Variants in LPIN1 observed in about 807,000 individuals in gnomAD.
The protein encoded by LPIN1 is lipin 1.
LPIN1 carries 71 observed loss-of-function variants against 107.5 expected under a neutral mutation model. The ratio of observed to expected loss-of-function variants is 0.66; its 90% CI spans 0.55 to 0.80. LPIN1 has a LOEUF of 0.80. Ranked by LOEUF, LPIN1 falls within the 30% of genes least tolerant of loss-of-function variation. The probability of loss-of-function intolerance (pLI) is 0.00; values close to 1 mark genes in which losing one functional copy is unlikely to be tolerated. For missense variants in LPIN1, 1,043 were observed against 1,160.6 expected (o/e 0.90, Z 1.47); for synonymous variants, 445 against 452.6 (o/e 0.98, Z 0.21).
At chr2:11,773,812 A>G (rs1341875567) in intron 5 of LPIN1, 67 bp downstream of exon 5, 1 of 1,552,478 alleles carries the variant, frequency 6.4e-7, no homozygotes, top group East Asian at 2.2e-5. Context: ...AAGCAATTCT[A>G]AGAAAAGAAT....
At chr2:11,728,331 T>C (rs1016866844) in intron 1 of LPIN1, among the ~76,000 whole-genome samples, 5 of 152,310 alleles carry the variant, frequency 3.3e-5, no homozygotes, top group Admixed American at 1.3e-4. Flanking sequence ...AACTGGTATA[T>C]TCATTGTGAT....
Position 11,779,525 on chromosome 2 carries a change from C to CACCTAAAAGTTGAA in LPIN1, c.837_838insACCTAAAAGTTGAA (p.Gly280ThrfsTer2). 6.2e-7 allele frequency: 1 copy of CACCTAAAAGTTGAA among 1,613,530 alleles called. No individual in the cohort carries two copies. The highest frequency in any genetic ancestry group is 8.5e-7 in the Non-Finnish European group (1 of 1,179,936). The stretch of plus-strand genomic sequence containing the variant: ...GCTTTGTGTTTTCCTTAAGTCCTTC[C>CACCTAAAAGTTGAA]GGTTCCCGACCTTCAACACCTAAAA... On this transcript the variant is annotated stop_gained and frameshift_variant, in exon 7 of 21. Transcript: ENST00000674199. LOFTEE classifies it high-confidence loss of function.
chr2:11,680,977 T>A (rs189110253), intron 1 of LPIN1, among the ~76,000 whole-genome samples: 207 of 152,300 alleles, frequency 1.4e-3, no homozygotes, highest in Non-Finnish European at 2.7e-3. Flanking sequence ...CCTAACTATA[T>A]ACTACTCACA....
At chr2:11,709,217 CT>C (rs1326476095) in intron 1 of LPIN1, among the ~76,000 whole-genome samples, 1 of 152,210 alleles carries the variant, frequency 6.6e-6, no homozygotes, top group Non-Finnish European at 1.5e-5. Context: ...CTTCCTTTAT[CT>C]CAACAGAGGG....
chr2:11,678,545 A>G (rs1274457854), intron 1 of LPIN1, among the ~76,000 whole-genome samples: 1 of 152,194 alleles, frequency 6.6e-6, no homozygotes, highest in Non-Finnish European at 1.5e-5. Context: ...CTTAGGGGGC[A>G]GGGAGACCCG....
chr2:11,715,196 G>A (rs1315775293), intron 2 of LPIN1, among the ~76,000 whole-genome samples: 1 of 152,222 alleles, frequency 6.6e-6, no homozygotes, highest in Non-Finnish European at 1.5e-5. Flanking sequence ...GCCTCGGGCA[G>A]CTTCCCGTGG....
chr2:11,724,301 C>G, upstream of LPIN1: 1 of 974,320 alleles, frequency 1.0e-6, no homozygotes, highest in Non-Finnish European at 1.2e-6. Context: ...AGAATCCTGC[C>G]GCCCAACAAT....
intron 1 of LPIN1, among the ~76,000 whole-genome samples, chr2:11,693,748 T>C (rs1662385778): frequency 1.4e-5 from 2 of 143,720 alleles, no homozygotes; most frequent in South Asian, 4.5e-4. Context: ...AGATTGTGAA[T>C]TCTTGGGGGC....
At chr2:11,805,370 G>C (rs933324244) in intron 17 of LPIN1, 2 of 636,196 alleles carry the variant, frequency 3.1e-6, no homozygotes, top group Non-Finnish European at 5.7e-6. Context: ...CAAGAAACAA[G>C]GGGCGAAGTA....
At chr2:11,796,868 G>A (rs573152537) in intron 14 of LPIN1, among the ~76,000 whole-genome samples, 8 of 152,276 alleles carry the variant, frequency 5.3e-5, no homozygotes, top group African/African-American at 1.9e-4. Context: ...GGAAGCAGTC[G>A]ACATTGGAGT....
intron 1 of LPIN1, among the ~76,000 whole-genome samples, chr2:11,694,088 C>T (rs1662450082): frequency 6.6e-6 from 1 of 151,742 alleles, no homozygotes; most frequent in African/African-American, 2.4e-5. Context: ...CCTGCCTTGG[C>T]CTCCCAAAGT....
At chr2:11,756,677 G>GT (rs1425005283) in intron 1 of LPIN1, among the ~76,000 whole-genome samples, 2 of 152,196 alleles carry the variant, frequency 1.3e-5, no homozygotes, top group Admixed American at 6.5e-5. Flanking sequence ...CATTATAGGC[G>GT]TGAGTGCCCG....
At chr2:11,683,688 G>C (rs372817265) in intron 1 of LPIN1, among the ~76,000 whole-genome samples, 2 of 152,186 alleles carry the variant, frequency 1.3e-5, no homozygotes, top group Non-Finnish European at 2.9e-5. Context: ...TGCTGTGGTC[G>C]TCGAGGTAAG....
chr2:11,773,332 G>A (rs973675505), intron 4 of LPIN1, among the ~76,000 whole-genome samples: 18 of 152,170 alleles, frequency 1.2e-4, no homozygotes, highest in African/African-American at 4.3e-4. Flanking sequence ...AGCAGGAGGT[G>A]GCACGATGGG....
chr2:11,733,887 G>T (rs1665525516), intron 1 of LPIN1, among the ~76,000 whole-genome samples: 1 of 152,200 alleles, frequency 6.6e-6, no homozygotes, highest in African/African-American at 2.4e-5. Context: ...TGTACAAAAA[G>T]CAACAATGAA....
In LPIN1 at chr2:11,782,256, G is replaced by T. The variant is rs1673693480; in HGVS notation, c.1013G>T (p.Cys338Phe). The T allele has an allele frequency of 6.2e-7, 1 of 1,614,048 alleles. No individual in the cohort carries two copies. The highest frequency in any genetic ancestry group is 1.3e-5 in the African/African-American group (1 of 74,912). ...ESSPLSSRKICDKSHFQAIHS... is the reference protein window; with the variant it reads ...ESSPLSSRKIFDKSHFQAIHS... ...AGCCCATTGAGCAGTAGAAAAATTT[G>T]TGATAAAAGTCACTTTCAGGCCATT... Residue 338 changes from cysteine to phenylalanine, a missense_variant, in exon 8 of 21, where the codon TGT (cysteine) becomes TTT (phenylalanine). By Grantham distance (205) the Cys-to-Phe change is radical. Transcript: ENST00000674199.
intron 17 of LPIN1, among the ~76,000 whole-genome samples, chr2:11,808,515 A>G (rs1183327930): frequency 6.6e-6 from 1 of 152,112 alleles, no homozygotes; most frequent in African/African-American, 2.4e-5. Flanking sequence ...CTTTTTCCTG[A>G]TTTTGCTTCC....
intron 5 of LPIN1, among the ~76,000 whole-genome samples, chr2:11,775,106 C>A (rs1240963808): frequency 6.6e-6 from 1 of 152,078 alleles, no homozygotes; most frequent in African/African-American, 2.4e-5. Flanking sequence ...CATACCAAGT[C>A]TTTATAAACT....
At chr2:11,808,246 C>T (rs775313987) in intron 17 of LPIN1, among the ~76,000 whole-genome samples, 12 of 152,138 alleles carry the variant, frequency 7.9e-5, no homozygotes, top group Non-Finnish European at 1.5e-4. Flanking sequence ...AGTCTGGACA[C>T]GATGGCAGCC....
Sources: allele counts gnomAD v4.1 joint callset (sites outside exome capture counted in the v4.1 genomes callset), GRCh38; gene constraint gnomAD v4.1.1; transcripts MANE v1.5; gene names NCBI Gene and HGNC (gene_info 2026-07-23, HGNC 2026-07-21).